Variants in YEATS2 observed in about 807,000 individuals in gnomAD.
YEATS2 encodes YEATS domain containing 2, also known as YEATS domain-containing protein 2.
In YEATS2, 77 loss-of-function variants were observed where a neutral mutation model predicts 163.2. The ratio of observed to expected loss-of-function variants is 0.47; its 90% confidence interval spans 0.39 to 0.57. The LOEUF (loss-of-function observed/expected upper bound fraction) is 0.57, where lower values mean the gene tolerates loss of function less well. YEATS2 is among the 20% of genes least tolerant of loss of function. The probability of loss-of-function intolerance (pLI) is 0.00; values close to 1 mark genes in which losing one functional copy is unlikely to be tolerated. For synonymous variants in YEATS2, 631 were observed against 645.1 expected (o/e 0.98, Z 0.33); for missense variants, 1,549 against 1,729.8 (o/e 0.90, Z 1.85).
chr3:183,728,928 C>T, intron 7 of YEATS2, 77 bp downstream of exon 7: 1 of 1,410,180 alleles, frequency 7.1e-7, no homozygotes, highest in South Asian at 1.4e-5. Context: ...GATTTAACTT[C>T]AAAACATTTC....
At chr3:183,700,464 C>A (rs745547128) in intron 1 of YEATS2, among the ~76,000 whole-genome samples, 23 of 152,120 alleles carry the variant, frequency 1.5e-4, no homozygotes, top group Non-Finnish European at 3.1e-4. Flanking sequence ...TTCCCTATCT[C>A]CCTGCCTTTG....
intron 15 of YEATS2, among the ~76,000 whole-genome samples, chr3:183,764,428 C>A (rs1721694317): frequency 6.7e-6 from 1 of 149,878 alleles, no homozygotes; most frequent in South Asian, 2.1e-4. Context: ...TGAAACCCAG[C>A]CTACCTATCT....
intron 24 of YEATS2, among the ~76,000 whole-genome samples, 173 bp downstream of exon 24, chr3:183,800,741 ATTT>A (rs1345105907): frequency 6.6e-6 from 1 of 152,164 alleles, no homozygotes; most frequent in Non-Finnish European, 1.5e-5. Flanking sequence ...GAGGGTCATC[ATTT>A]TATACAGTGA....
rs766750591 is a variant in YEATS2 at position 183,806,873 on chromosome 3, A to G, written c.3792A>G (p.Pro1264=). The G allele has an allele frequency of 2.4e-5, 39 of 1,613,950 alleles. 1 individual carries two copies. In the East Asian group the frequency reaches 2.5e-4, roughly 10 times the overall value. ...LTQIDSEPEC[P]SSFSSADNLC... Reference sequence around the variant, plus strand: ...TGCTTGCCTGTCATTTAGAGTGCCCATCATCATTCTCCTCTGCTGACAACC... The same window carrying G: ...TGCTTGCCTGTCATTTAGAGTGCCCGTCATCATTCTCCTCTGCTGACAACC... The change falls in exon 28 of 31, where the codon CCA becomes CCG. Residue 1264 remains proline (P), a synonymous_variant. Coordinates refer to ENST00000305135, the MANE Select transcript of YEATS2 (RefSeq NM_018023.5).
intron 4 of YEATS2, 29 bp from the exon 5 acceptor site, chr3:183,721,862 A>AT (rs1231256723): frequency 1.2e-6 from 2 of 1,607,472 alleles, no homozygotes; most frequent in Admixed American, 1.7e-5. Flanking sequence ...TTGATTAAAA[A>AT]TTTATTTGCT....
chr3:183,794,408 G>C (rs895388913), intron 21 of YEATS2, among the ~76,000 whole-genome samples: 1 of 152,228 alleles, frequency 6.6e-6, no homozygotes. Context: ...CTAGAAGCTA[G>C]CATACTGCTG....
At chr3:183,729,836 C>T (rs549119446) in intron 7 of YEATS2, among the ~76,000 whole-genome samples, 3 of 151,608 alleles carry the variant, frequency 2.0e-5, no homozygotes, top group Non-Finnish European at 4.4e-5. Flanking sequence ...TACAGGTGCC[C>T]GCCACCACAC....
chr3:183,703,117 G>T (rs1322939682), intron 1 of YEATS2, among the ~76,000 whole-genome samples: 1 of 152,132 alleles, frequency 6.6e-6, no homozygotes, highest in Non-Finnish European at 1.5e-5. Context: ...TTTGAGCTCA[G>T]CTGTCTTTTG....
chr3:183,742,059 A>G (rs1231429910), intron 8 of YEATS2, among the ~76,000 whole-genome samples: 1 of 151,220 alleles, frequency 6.6e-6, no homozygotes, highest in Non-Finnish European at 1.5e-5. Context: ...AAAAAAAAAA[A>G]ATTAGCTGGA....
chr3:183,744,102 C>CTTTT (rs562807575), intron 8 of YEATS2, among the ~76,000 whole-genome samples: 2 of 55,996 alleles, frequency 3.6e-5, no homozygotes, highest in African/African-American at 8.3e-5. Context: ...TTTAGTTTTG[C>CTTTT]TTTTTTTTTT....
At chr3:183,769,470 A>G (rs1024038671) in intron 15 of YEATS2, among the ~76,000 whole-genome samples, 1 of 152,160 alleles carries the variant, frequency 6.6e-6, no homozygotes, top group Non-Finnish European at 1.5e-5. Context: ...TAGGCATCCT[A>G]TATACTTTTT....
intron 7 of YEATS2, among the ~76,000 whole-genome samples, chr3:183,733,613 A>G (rs941777753): frequency 3.3e-5 from 5 of 152,306 alleles, no homozygotes; most frequent in Admixed American, 1.3e-4. Context: ...ATCTAAAGTA[A>G]TTTAACGAAT....
intron 8 of YEATS2, among the ~76,000 whole-genome samples, chr3:183,738,644 T>C (rs867949878): frequency 4.0e-4 from 57 of 142,208 alleles, no homozygotes; most frequent in African/African-American, 1.4e-3. Flanking sequence ...TGAGTGAGAA[T>C]ATACGGTGTT....
At chr3:183,761,657 T>G (rs1721366568) in intron 14 of YEATS2, 43 bp downstream of exon 14, 5 of 1,579,024 alleles carry the variant, frequency 3.2e-6, no homozygotes, top group Admixed American at 1.7e-5. Context: ...CATAATACTT[T>G]TTGTGGCATG....
At chr3:183,705,683 C>A (rs1246696798) in intron 1 of YEATS2, among the ~76,000 whole-genome samples, 1 of 151,998 alleles carries the variant, frequency 6.6e-6, no homozygotes, top group African/African-American at 2.4e-5. Flanking sequence ...ATGATGAAAA[C>A]TAATGTAAGG....
At chr3:183,701,426 G>A (rs1324033552) in intron 1 of YEATS2, among the ~76,000 whole-genome samples, 2 of 151,706 alleles carry the variant, frequency 1.3e-5, no homozygotes, top group South Asian at 2.1e-4. Context: ...TGTCTCTGTC[G>A]CCCAGGCTGG....
At chr3:183,797,141 C>T (rs567106209) in intron 21 of YEATS2, among the ~76,000 whole-genome samples, 18 of 151,904 alleles carry the variant, frequency 1.2e-4, no homozygotes, top group African/African-American at 4.1e-4. Flanking sequence ...TGGTGGCATG[C>T]GCCTGTAATC....
intron 1 of YEATS2, among the ~76,000 whole-genome samples, chr3:183,704,743 C>G (rs762765765): frequency 6.6e-5 from 10 of 152,018 alleles, no homozygotes; most frequent in Admixed American, 2.0e-4. Context: ...GTTCTCCTGC[C>G]TCAGCCTCCC....
At chr3:183,724,603 G>T (rs745322627) in intron 6 of YEATS2, 72 bp downstream of exon 6, 92 of 1,079,768 alleles carry the variant, frequency 8.5e-5, no homozygotes, top group Non-Finnish European at 1.1e-4. Flanking sequence ...CTCTTACAGT[G>T]TTACAGTAGG....
Sources: gnomAD v4.1 joint callset for allele counts (sites outside exome capture counted in the v4.1 genomes callset) on GRCh38, gnomAD v4.1.1 for gene constraint, MANE v1.5 for transcripts, NCBI Gene and HGNC (gene_info 2026-07-23, HGNC 2026-07-21) for gene names.